The following FAM227B variants were observed in gnomAD, a reference collection of about 807,000 sequenced individuals.
The protein encoded by FAM227B is family with sequence similarity 227 member B, also known as protein FAM227B.
FAM227B carries 88 observed loss-of-function variants against 73.8 expected under a neutral mutation model. The observed-to-expected ratio is 1.19, with a 90% CI of 1.00 to 1.42. The LOEUF is 1.42. Ranked by LOEUF, FAM227B falls within the 40% of genes most tolerant of loss-of-function variation. FAM227B has a pLI of 0.00. For missense variants in FAM227B, 632 were observed against 590.9 expected (o/e 1.07, Z -0.72); for synonymous variants, 210 against 190.5 (o/e 1.10, Z -0.84).
intron 9 of FAM227B, among the ~76,000 whole-genome samples, chr15:49,545,812 T>A (rs2071759086): frequency 6.6e-6 from 1 of 152,102 alleles, no homozygotes; most frequent in Admixed American, 6.5e-5. Context: ...GAGGGTTCCT[T>A]TTGGAGTAAT....
chr15:49,455,115 C>G (rs531063347), intron 11 of FAM227B, among the ~76,000 whole-genome samples: 1 of 152,252 alleles, frequency 6.6e-6, no homozygotes, highest in Admixed American at 6.5e-5. Flanking sequence ...TCAACCCTCA[C>G]CTATTGAGTC....
At chr15:49,331,993 T>C in intron 14 of FAM227B, 144 bp from the exon 15 acceptor site, 1 of 622,104 alleles carries the variant, frequency 1.6e-6, no homozygotes, top group Middle Eastern at 3.9e-4. Flanking sequence ...CCCTTAAAAC[T>C]TCTGAAGTAG....
intron 11 of FAM227B, among the ~76,000 whole-genome samples, chr15:49,435,787 A>G (rs1261293156): frequency 6.6e-6 from 1 of 151,602 alleles, no homozygotes; most frequent in Non-Finnish European, 1.5e-5. Flanking sequence ...TTAGATATTC[A>G]AATTAATATT....
At chr15:49,399,046 T>C (rs377326919) in intron 11 of FAM227B, among the ~76,000 whole-genome samples, 1 of 121,470 alleles carries the variant, frequency 8.2e-6, no homozygotes, top group Non-Finnish European at 1.8e-5. Flanking sequence ...TTCAAAAAAT[T>C]AGTGAATCCA....
rs749481074 is a variant in FAM227B, at chr15:49,576,813, T to C, written c.474A>G (p.Glu158=). ...GCSFTGFKAN[E]LTQLPRHLDA... ...CCAAATGTCTGGGTAGCTGAGTAAG[T>C]TCATTTGCTTTGAATCCTGTGAAGC... Residue 158 remains glutamate (E), a synonymous_variant, in exon 7 of 16, where the codon GAA becomes GAG. Transcript: ENST00000299338. 1.9e-6 allele frequency: 3 copies of C among 1,612,690 alleles called. No homozygotes were observed. The East Asian group carries it at 6.7e-5, about 36-fold the overall frequency.
At chr15:49,445,999 C>T (rs1387877153) in intron 11 of FAM227B, among the ~76,000 whole-genome samples, 1 of 151,346 alleles carries the variant, frequency 6.6e-6, no homozygotes, top group Non-Finnish European at 1.5e-5. Flanking sequence ...GAATTTTTTC[C>T]TTACTGGAAT....
intron 11 of FAM227B, among the ~76,000 whole-genome samples, chr15:49,479,511 T>A (rs1332526431): frequency 6.6e-6 from 1 of 151,882 alleles, no homozygotes; most frequent in African/African-American, 2.4e-5. Flanking sequence ...TAACTTAATA[T>A]CTGCATATTA....
chr15:49,331,644 TTAAG>T (rs372935521), intron 15 of FAM227B, 132 bp downstream of exon 15: 1 of 613,044 alleles, frequency 1.6e-6, no homozygotes, highest in South Asian at 2.1e-5. Context: ...ATGTAGATGA[TTAAG>T]TAACAAGAAT....
intron 11 of FAM227B, among the ~76,000 whole-genome samples, chr15:49,371,617 TTTATAAATAAATGAAATAAAATTCAC>T (rs1242880618): frequency 5.3e-5 from 8 of 151,342 alleles, no homozygotes; most frequent in South Asian, 2.1e-4. Context: ...TAAATATTCA[TTTATAAATAAATGAAATAAAATTCAC>T]TTATAAATAA....
intron 5 of FAM227B, among the ~76,000 whole-genome samples, chr15:49,578,172 G>A (rs2075582890): frequency 6.6e-6 from 1 of 152,178 alleles, no homozygotes; most frequent in Non-Finnish European, 1.5e-5. Flanking sequence ...GACTGAAATA[G>A]CCAAGCCTTT....
intron 9 of FAM227B, among the ~76,000 whole-genome samples, chr15:49,550,320 T>G (rs1598141329): frequency 7.5e-6 from 1 of 134,104 alleles, no homozygotes; most frequent in Non-Finnish European, 1.6e-5. Context: ...ACGGGGCGGC[T>G]GGCCGGGCGG....
chr15:49,364,016 CTAGT>C (rs2044699733), intron 13 of FAM227B, among the ~76,000 whole-genome samples: 2 of 152,254 alleles, frequency 1.3e-5, no homozygotes, highest in African/African-American at 4.8e-5. Flanking sequence ...ATTCCGTTCG[CTAGT>C]ATTTTGTTGA....
intron 10 of FAM227B, among the ~76,000 whole-genome samples, chr15:49,536,047 G>A (rs1206609002): frequency 7.1e-6 from 1 of 141,218 alleles, no homozygotes; most frequent in Non-Finnish European, 1.5e-5. Context: ...ACACAGTGCT[G>A]GAAGTACTAG....
intron 10 of FAM227B, among the ~76,000 whole-genome samples, chr15:49,522,602 C>G (rs976915038): frequency 6.6e-6 from 1 of 151,860 alleles, no homozygotes; most frequent in African/African-American, 2.4e-5. Context: ...AACAGAACTT[C>G]TAAAAATAAA....
chr15:49,409,911 T>A (rs2048762132), intron 11 of FAM227B, among the ~76,000 whole-genome samples: 1 of 152,188 alleles, frequency 6.6e-6, no homozygotes, highest in Admixed American at 6.5e-5. Flanking sequence ...TAGAGATATA[T>A]GCCAGAAGAT....
chr15:49,550,667 C>G (rs1298838016), intron 9 of FAM227B, among the ~76,000 whole-genome samples: 3 of 151,452 alleles, frequency 2.0e-5, no homozygotes, highest in Non-Finnish European at 4.4e-5. Flanking sequence ...GAGGCTCTCC[C>G]CACATCTCAG....
At chr15:49,584,027 C>T (rs952936214) in intron 5 of FAM227B, among the ~76,000 whole-genome samples, 4 of 152,108 alleles carry the variant, frequency 2.6e-5, no homozygotes, top group Non-Finnish European at 5.9e-5. Context: ...CCAGCATCAT[C>T]CTGTCACTAA....
intron 11 of FAM227B, among the ~76,000 whole-genome samples, chr15:49,501,336 G>A (rs954968147): frequency 2.0e-5 from 3 of 152,144 alleles, no homozygotes; most frequent in African/African-American, 7.2e-5. Flanking sequence ...AGGCTGATGA[G>A]GTCTCAGATG....
intron 13 of FAM227B, among the ~76,000 whole-genome samples, chr15:49,352,576 G>A (rs1167195995): frequency 2.0e-5 from 3 of 152,100 alleles, no homozygotes; most frequent in Non-Finnish European, 2.9e-5. Flanking sequence ...CCTACCATAT[G>A]TATTTTCCTA....
Sources: allele counts gnomAD v4.1 joint callset (sites outside exome capture counted in the v4.1 genomes callset), GRCh38; gene constraint gnomAD v4.1.1; transcripts MANE v1.5; gene names NCBI Gene and HGNC (gene_info 2026-07-23, HGNC 2026-07-21).